HEG1: variants seen among roughly 807,000 people sequenced by gnomAD.
HEG1 encodes the protein heart development protein with EGF like domains 1.
Under a neutral mutation model 125.6 loss-of-function variants are expected in HEG1, and 56 were observed. That is an observed-to-expected ratio of 0.45 (90% CI 0.36 to 0.56). The LOEUF (loss-of-function observed/expected upper bound fraction) is 0.56. Ranked by LOEUF, HEG1 falls within the 20% of genes least tolerant of loss-of-function variation. HEG1 has a pLI of 0.00. For synonymous variants in HEG1, 644 were observed against 668.5 expected, an observed-to-expected ratio of 0.96 and a Z score of 0.57; for missense variants, 1,523 against 1,670.0, an observed-to-expected ratio of 0.91 and a Z score of 1.53.
At position 124,969,878 on chromosome 3, in the gene HEG1, C is replaced by G. The variant is rs1269386545; in HGVS notation, c.*774G>C. 1 of 152,136 alleles carries G rather than the reference C, an allele frequency of 6.6e-6. No individual in the cohort carries two copies. Among genetic ancestry groups the G allele is most frequent in the Non-Finnish European group, 1.5e-5 (1 of 68,010 alleles). 9.4% of individuals were successfully genotyped at this position (152,136 alleles called of 1,614,324 possible). On this transcript the variant is annotated 3_prime_UTR_variant, in exon 17 of 17. Transcript: ENST00000311127. ...CTGCCTGCTGAGCCTCCAGCTAAAACCAAATATAAGTTGTTTTGCCCTGAT... is the reference window on the plus strand; with the variant it reads ...CTGCCTGCTGAGCCTCCAGCTAAAAGCAAATATAAGTTGTTTTGCCCTGAT...
intron 12 of HEG1, among the ~76,000 whole-genome samples, chr3:124,992,701 T>C (rs148043152): frequency 3.4e-4 from 52 of 152,366 alleles, no homozygotes; most frequent in Non-Finnish European, 7.1e-4. Flanking sequence ...TCCTACTTTC[T>C]TAATGTTAGC....
At position 125,013,774 on chromosome 3, in the gene HEG1, A is replaced by C. The variant is rs6790837; in HGVS notation, c.1805T>G (p.Phe602Cys). ...NSSHSEYSSF[F>C]HAQTERSNIS... is the part of the protein sequence containing the mutation. Reference sequence around the variant, plus strand: ...GTTACTTCTCTCAGTCTGAGCATGAAAAAAGGAGGAATACTCTGAATGTGA... The same window carrying C: ...GTTACTTCTCTCAGTCTGAGCATGACAAAAGGAGGAATACTCTGAATGTGA... Residue 602 changes from phenylalanine to cysteine, a missense_variant, in exon 6 of 17, where the codon TTT (phenylalanine) becomes TGT (cysteine). Phe to Cys is a radical substitution (Grantham distance 205). Transcript: ENST00000311127. The C allele has an allele frequency of 6.2e-7, 1 of 1,613,642 alleles. No individual in the cohort carries two copies. Among genetic ancestry groups the C allele is most frequent in the Non-Finnish European group, 8.5e-7 (1 of 1,179,726 alleles).
chr3:124,974,509 G>A (rs1183750628), intron 15 of HEG1, among the ~76,000 whole-genome samples: 5 of 152,098 alleles, frequency 3.3e-5, no homozygotes, highest in East Asian at 3.9e-4. Flanking sequence ...TCTACTACAC[G>A]AAGCAAATAT....
chr3:125,019,159 C>A (rs373430432), intron 5 of HEG1, 103 bp downstream of exon 5: 3 of 982,926 alleles, frequency 3.1e-6, no homozygotes, highest in Admixed American at 4.4e-5. Context: ...TGAGCCACCA[C>A]GCTAGGCCCT....
chr3:125,013,998 C>T lies in HEG1; in HGVS notation c.1589-8G>A, dbSNP rs6438871. 13 of 1,582,230 alleles carry T rather than the reference C, an allele frequency of 8.2e-6. No homozygotes were observed. Among genetic ancestry groups the T allele is most frequent in the African/African-American group, 1.4e-5 (1 of 73,396 alleles). ...CGTAGCTAATCCCAGCGACTGTAAA[C>T]GGAAAAGCCAAAGTTAGGTCAAATA... On this transcript the variant is annotated splice_polypyrimidine_tract_variant and splice_region_variant and intron_variant, in intron 5 of 16. Transcript: ENST00000311127.
chr3:124,999,673 A>G (rs985655746), intron 11 of HEG1, among the ~76,000 whole-genome samples: 1 of 152,254 alleles, frequency 6.6e-6, no homozygotes, highest in African/African-American at 2.4e-5. Context: ...GCTACCCTAC[A>G]AATTCTCAAA....
At chr3:125,011,694 T>C (rs1453257837) in intron 6 of HEG1, among the ~76,000 whole-genome samples, 1 of 152,180 alleles carries the variant, frequency 6.6e-6, no homozygotes, top group African/African-American at 2.4e-5. Flanking sequence ...GCTGACAGGT[T>C]GGAACTGTGC....
At position 125,020,811 on chromosome 3, in the gene HEG1, A is replaced by G. The variant is rs780113600; in HGVS notation, c.1233T>C (p.Arg411=). The G allele has an allele frequency of 1.9e-5, 30 of 1,612,838 alleles. No homozygotes were observed. The highest frequency in any genetic ancestry group is 2.5e-5 in the Non-Finnish European group (29 of 1,179,082). The change falls in exon 4 of 17, where the codon CGT becomes CGC. Residue 411 remains arginine (R), a synonymous_variant. Coordinates refer to ENST00000311127, the MANE Select transcript of HEG1 (RefSeq NM_020733.2). ...ACTTACTTGGGGAATCATTTTGCCA[A>G]CGCAAAGACGTAAGTCCAAATTCAT... ...TENEFGLTSL[R]WQNDSPTFGE...
chr3:125,050,246 C>T (rs770861303), intron 1 of HEG1, among the ~76,000 whole-genome samples: 49 of 151,184 alleles, frequency 3.2e-4, no homozygotes, highest in African/African-American at 6.3e-4. Flanking sequence ...CAGGTTCAAG[C>T]GATTCTCATG....
chr3:124,987,672 C>T (rs1489390317), intron 14 of HEG1, among the ~76,000 whole-genome samples: 1 of 151,716 alleles, frequency 6.6e-6, no homozygotes, highest in South Asian at 2.1e-4. Context: ...AGGCGCTCGC[C>T]ACCATGCCCA....
intron 11 of HEG1, among the ~76,000 whole-genome samples, chr3:125,000,458 A>G (rs2107695571): frequency 6.6e-6 from 1 of 152,330 alleles, no homozygotes; most frequent in Admixed American, 6.5e-5. Context: ...GGGGAGGACA[A>G]CTTGGTACCC....
Position 124,970,704 on chromosome 3 carries a change from T to G in HEG1, c.4094A>C (p.Gln1365Pro), listed in dbSNP as rs1199324296. Reference sequence around the variant, plus strand: ...ATCACTGATGAAAGACGGGTTATACTGTCCGGGGAAAATGCAAGAATGCCG... The same window carrying G: ...ATCACTGATGAAAGACGGGTTATACGGTCCGGGGAAAATGCAAGAATGCCG... ...GSRHSCIFPG[Q>P]YNPSFISDES... The change falls in exon 17 of 17, where the codon CAG (glutamine) becomes CCG (proline). Residue 1365 changes from glutamine to proline, a missense_variant. Transcript: ENST00000311127. 6.2e-7 allele frequency: 1 copy of G among 1,609,224 alleles called. No individual in the cohort carries two copies. The highest frequency in any genetic ancestry group is 2.2e-5 in the East Asian group (1 of 44,808).
intron 5 of HEG1, among the ~76,000 whole-genome samples, chr3:125,018,776 G>A (rs910439709): frequency 2.0e-5 from 3 of 151,644 alleles, no homozygotes; most frequent in Non-Finnish European, 4.4e-5. Flanking sequence ...GGATATATAG[G>A]TGTATCTGTA....
At chr3:125,044,913 G>A (rs1425859416) in intron 1 of HEG1, among the ~76,000 whole-genome samples, 1 of 152,140 alleles carries the variant, frequency 6.6e-6, no homozygotes, top group Non-Finnish European at 1.5e-5. Flanking sequence ...GTAACTCACT[G>A]TCCAAATGGA....
Position 125,021,010 on chromosome 3 carries a change from G to A in HEG1, c.1034C>T (p.Ser345Phe), listed in dbSNP as rs1310459383. 1 of 1,613,824 alleles carries A rather than the reference G, an allele frequency of 6.2e-7. No individual in the cohort carries two copies. The highest frequency in any genetic ancestry group is 8.5e-7 in the Non-Finnish European group (1 of 1,179,848). ...CACAGGTCCCAGACTGACCGTCAAA[G>A]ATCGCAGCGTTCTCGGGCCACCATC... ...FTDGGPRTLR[S>F]LTVSLGPVSK... Residue 345 changes from serine to phenylalanine, a missense_variant, in exon 4 of 17, where the codon TCT (serine) becomes TTT (phenylalanine). Ser to Phe is a radical substitution (Grantham distance 155, BLOSUM62 -2). Transcript: ENST00000311127.
rs200560600 is a variant in HEG1 at position 125,029,229 on chromosome 3, T to C, written c.576A>G (p.Ile192Met). The C allele has an allele frequency of 3.1e-6, 5 of 1,613,144 alleles. No individual in the cohort carries two copies. In the African/African-American group the frequency reaches 6.7e-5, roughly 22 times the overall value. Reference protein sequence around the residue: ...TILPVGYSLEIATALTSQSGN... With the variant: ...TILPVGYSLEMATALTSQSGN... ...CACTCTGGGAAGTCAGAGCTGTTGC[T>C]ATCTCCAGTGAGTACCCAACAGGCA... Residue 192 changes from isoleucine (I) to methionine (M), a missense_variant, in exon 2 of 17, where the codon ATA (isoleucine) becomes ATG (methionine). Coordinates refer to ENST00000311127, the MANE Select transcript of HEG1 (RefSeq NM_020733.2).
At chr3:124,977,305 T>C (rs1936564312) in intron 15 of HEG1, among the ~76,000 whole-genome samples, 1 of 152,228 alleles carries the variant, frequency 6.6e-6, no homozygotes, top group Non-Finnish European at 1.5e-5. Context: ...TGGACTAATA[T>C]ACCCAGCCTC....
At chr3:124,996,231 T>G (rs1304154314) in intron 12 of HEG1, among the ~76,000 whole-genome samples, 2 of 152,004 alleles carry the variant, frequency 1.3e-5, no homozygotes. Flanking sequence ...ATTACAGGCA[T>G]GCGTCATCAC....
In HEG1 at chr3:125,013,416, T is replaced by G; in HGVS notation, c.2163A>C (p.Val721=). The G allele has an allele frequency of 6.2e-7, 1 of 1,613,948 alleles. No homozygotes were observed. The highest frequency in any genetic ancestry group is 8.5e-7 in the Non-Finnish European group (1 of 1,179,882). The change falls in exon 6 of 17, where the codon GTA becomes GTC. Residue 721 remains valine, a synonymous_variant. Coordinates refer to ENST00000311127, the MANE Select transcript of HEG1 (RefSeq NM_020733.2). The part of the protein sequence containing the change: ...PWSSSPSPLP[V]SLTTSTSAPL... ...GGGCAGATGTAGATGTCGTTAAGGATACTGGTAAAGGTGATGGTGAGGAAG... is the reference window on the plus strand; with the variant it reads ...GGGCAGATGTAGATGTCGTTAAGGAGACTGGTAAAGGTGATGGTGAGGAAG...
Sources: allele counts gnomAD v4.1 joint callset (sites outside exome capture counted in the v4.1 genomes callset), GRCh38; gene constraint gnomAD v4.1.1; transcripts MANE v1.5; gene names NCBI Gene and HGNC (gene_info 2026-07-23, HGNC 2026-07-21).